SUGCT: variants seen among roughly 807,000 people sequenced by gnomAD.
The protein encoded by SUGCT is succinyl-CoA:glutarate-CoA transferase.
A neutral mutation model predicts 55.0 loss-of-function variants in SUGCT; 41 were observed. That is an observed-to-expected ratio of 0.74 (90% CI 0.58 to 0.97). SUGCT has a LOEUF of 0.97. Ranked by LOEUF, SUGCT falls within the 50% of genes least tolerant of loss-of-function variation. The pLI is 0.00. For missense variants in SUGCT, 568 were observed against 547.8 expected, an observed-to-expected ratio of 1.04 and a Z score of -0.37; for synonymous variants, 187 against 200.4, an observed-to-expected ratio of 0.93 and a Z score of 0.56.
intron 12 of SUGCT, among the ~76,000 whole-genome samples, chr7:40,614,607 C>T (rs780462453): frequency 6.6e-5 from 10 of 151,978 alleles, no homozygotes; most frequent in Non-Finnish European, 1.2e-4. Flanking sequence ...TTAATGAGGC[C>T]ATACCACAGT....
At chr7:40,677,982 C>T (rs1000963779) in intron 12 of SUGCT, among the ~76,000 whole-genome samples, 3 of 152,274 alleles carry the variant, frequency 2.0e-5, no homozygotes, top group African/African-American at 7.2e-5. Flanking sequence ...GCCAGCTTGA[C>T]CTGGCTATTA....
chr7:40,193,953 A>G (rs1381473113), intron 5 of SUGCT, among the ~76,000 whole-genome samples: 1 of 152,080 alleles, frequency 6.6e-6, no homozygotes, highest in Non-Finnish European at 1.5e-5. Flanking sequence ...TTGGGAAAAA[A>G]ATTTCCCAAT....
At chr7:40,405,297 A>G (rs889870184) in intron 9 of SUGCT, among the ~76,000 whole-genome samples, 2 of 152,190 alleles carry the variant, frequency 1.3e-5, no homozygotes, top group South Asian at 2.1e-4. Flanking sequence ...GTGATGTAGT[A>G]TATGTATTAT....
chr7:40,688,893 A>AT (rs1255858833), intron 12 of SUGCT, among the ~76,000 whole-genome samples: 2 of 152,170 alleles, frequency 1.3e-5, no homozygotes, highest in Non-Finnish European at 2.9e-5. Flanking sequence ...TTTAAAAAAA[A>AT]ATTTTGGAGA....
chr7:40,459,710 G>C (rs1789688379), intron 11 of SUGCT, among the ~76,000 whole-genome samples: 1 of 152,152 alleles, frequency 6.6e-6, no homozygotes, highest in South Asian at 2.1e-4. Flanking sequence ...TGTGAATCTT[G>C]ATGTTATTTC....
chr7:40,616,124 A>G (rs934588808), intron 12 of SUGCT, among the ~76,000 whole-genome samples: 1 of 152,234 alleles, frequency 6.6e-6, no homozygotes, highest in Non-Finnish European at 1.5e-5. Flanking sequence ...TGTGCCAGAT[A>G]CTGAACAATG....
intron 8 of SUGCT, among the ~76,000 whole-genome samples, chr7:40,287,129 A>G (rs1165632012): frequency 4.6e-5 from 7 of 152,134 alleles, no homozygotes; most frequent in East Asian, 1.9e-4. Flanking sequence ...GGCTGTTTAT[A>G]TTCTCTAAAG....
At chr7:40,532,816 C>T (rs1794169014) in intron 12 of SUGCT, among the ~76,000 whole-genome samples, 2 of 152,050 alleles carry the variant, frequency 1.3e-5, no homozygotes, top group Middle Eastern at 3.4e-3. Context: ...GCTTTAGGAC[C>T]TGTAAATTAA....
At chr7:40,691,651 C>T (rs998698637) in intron 12 of SUGCT, among the ~76,000 whole-genome samples, 2 of 152,206 alleles carry the variant, frequency 1.3e-5, no homozygotes, top group Non-Finnish European at 2.9e-5. Flanking sequence ...TATCTTCATA[C>T]TAGAAACTTT....
At chr7:40,253,945 C>T (rs1790621565) in intron 7 of SUGCT, among the ~76,000 whole-genome samples, 1 of 152,222 alleles carries the variant, frequency 6.6e-6, no homozygotes, top group African/African-American at 2.4e-5. Context: ...GAATTGACTG[C>T]TCAGTTTAGT....
intron 7 of SUGCT, among the ~76,000 whole-genome samples, chr7:40,250,355 G>C (rs1329563343): frequency 6.6e-6 from 1 of 151,718 alleles, no homozygotes; most frequent in East Asian, 1.9e-4. Flanking sequence ...AACCGAGATA[G>C]TGCTACTGCC....
intron 13 of SUGCT, among the ~76,000 whole-genome samples, chr7:40,768,613 T>C (rs987142643): frequency 1.3e-4 from 20 of 152,314 alleles, no homozygotes; most frequent in African/African-American, 4.8e-4. Flanking sequence ...CGTTGCTTCA[T>C]AAAAGAATAC....
chr7:40,939,898 AT>A, the SUGCT span, among the ~76,000 whole-genome samples: 4 of 151,682 alleles, frequency 2.6e-5, no homozygotes, highest in Non-Finnish European at 5.9e-5. Context: ...GGTTTTATGT[AT>A]TTTTTTTCTT....
intron 12 of SUGCT, among the ~76,000 whole-genome samples, chr7:40,624,451 G>C (rs1164636189): frequency 6.6e-6 from 1 of 152,120 alleles, no homozygotes; most frequent in Non-Finnish European, 1.5e-5. Context: ...CAATAACCAT[G>C]TGAAGATGTG....
intron 9 of SUGCT, among the ~76,000 whole-genome samples, chr7:40,364,850 C>T (rs1046378776): frequency 8.3e-4 from 127 of 152,164 alleles, no homozygotes; most frequent in African/African-American, 2.9e-3. Flanking sequence ...GGAACTGGTA[C>T]CATTCCTTCT....
At chr7:40,624,772 A>AACACAC (rs71791486) in intron 12 of SUGCT, among the ~76,000 whole-genome samples, 3,548 of 137,312 alleles carry the variant, frequency 0.026, 116 homozygotes, top group African/African-American at 0.082. Context: ...TTTCTGTGCA[A>AACACAC]ACACACACAC....
At chr7:40,349,028 T>C (rs765696022) in intron 9 of SUGCT, among the ~76,000 whole-genome samples, 2 of 152,220 alleles carry the variant, frequency 1.3e-5, no homozygotes, top group African/African-American at 2.4e-5. Context: ...CTTTCTTTTA[T>C]ATTGTGGGAT....
chr7:40,578,155 C>T (rs551360776), intron 12 of SUGCT, among the ~76,000 whole-genome samples: 24 of 152,198 alleles, frequency 1.6e-4, no homozygotes, highest in African/African-American at 4.6e-4. Context: ...TTTCTGATGC[C>T]GTAGGACCAT....
intron 9 of SUGCT, among the ~76,000 whole-genome samples, chr7:40,415,074 A>ATCTGTCTATCTT (rs1489734389): frequency 7.3e-6 from 1 of 136,880 alleles, no homozygotes. Flanking sequence ...CTATCTATCT[A>ATCTGTCTATCTT]TCTATCTATC....
Sources: gnomAD v4.1 joint callset for allele counts (sites outside exome capture counted in the v4.1 genomes callset) on GRCh38, gnomAD v4.1.1 for gene constraint, MANE v1.5 for transcripts, NCBI Gene and HGNC (gene_info 2026-07-23, HGNC 2026-07-21) for gene names.